ST3GAL3: variants seen among roughly 807,000 people sequenced by gnomAD.
ST3GAL3 encodes the protein CMP-N-acetylneuraminate-beta-1,4-galactoside alpha-2,3-sialyltransferase.
ST3GAL3 carries 21 observed loss-of-function variants against 50.1 expected under a neutral mutation model. The observed-to-expected ratio is 0.42, with a 90% CI of 0.30 to 0.60. ST3GAL3 has a LOEUF of 0.60. Ranked by LOEUF, ST3GAL3 falls within the 20% of genes least tolerant of loss-of-function variation. ST3GAL3 has a pLI of 0.19. For missense variants in ST3GAL3, 353 were observed against 489.4 expected, an observed-to-expected ratio of 0.72 and a Z score of 2.63; for synonymous variants, 183 against 190.0, an observed-to-expected ratio of 0.96 and a Z score of 0.30.
chr1:43,851,536 A>G (rs2067302009), intron 5 of ST3GAL3: 1 of 1,592,720 alleles, frequency 6.3e-7, no homozygotes, highest in Non-Finnish European at 8.6e-7. Context: ...TTATTTAAGC[A>G]AGAGCCTAGG....
chr1:43,777,751 A>G (rs1697812951), intron 2 of ST3GAL3, among the ~76,000 whole-genome samples: 1 of 152,240 alleles, frequency 6.6e-6, no homozygotes, highest in Non-Finnish European at 1.5e-5. Flanking sequence ...GCAAAAATTG[A>G]CAAATGGGAT....
chr1:43,909,171 A>G (rs1055420688), intron 9 of ST3GAL3, among the ~76,000 whole-genome samples: 1 of 152,216 alleles, frequency 6.6e-6, no homozygotes, highest in Non-Finnish European at 1.5e-5. Context: ...ACTGAGGCCC[A>G]GAGTGCAACA....
chr1:43,843,266 C>T (rs192305242), intron 5 of ST3GAL3, among the ~76,000 whole-genome samples: 1 of 152,194 alleles, frequency 6.6e-6, no homozygotes, highest in African/African-American at 2.4e-5. Flanking sequence ...TTCCTAGTTT[C>T]TTGAGAGTGT....
intron 2 of ST3GAL3, among the ~76,000 whole-genome samples, chr1:43,787,304 T>C (rs771941559): frequency 1.3e-5 from 2 of 152,208 alleles, no homozygotes; most frequent in Non-Finnish European, 1.5e-5. Context: ...GAGGGAGAAG[T>C]CTGGATATTC....
At chr1:43,754,099 A>G (rs1687173958) in intron 2 of ST3GAL3, among the ~76,000 whole-genome samples, 2 of 152,264 alleles carry the variant, frequency 1.3e-5, no homozygotes, top group South Asian at 2.1e-4. Context: ...TCTTAGAGCC[A>G]TACAATTAAA....
intron 9 of ST3GAL3, chr1:43,913,264 T>C (rs959817106): frequency 6.6e-6 from 1 of 152,242 alleles, no homozygotes; most frequent in Non-Finnish European, 1.5e-5. Context: ...ACTATAATCA[T>C]AATAAGTAAG....
chr1:43,724,802 C>T (rs1672152662), intron 1 of ST3GAL3, among the ~76,000 whole-genome samples: 1 of 152,158 alleles, frequency 6.6e-6, no homozygotes, highest in Non-Finnish European at 1.5e-5. Flanking sequence ...CTCTTACCAC[C>T]TCTCACAGTT....
chr1:43,858,703 C>CAGCAA (rs1429385909), intron 5 of ST3GAL3, among the ~76,000 whole-genome samples: 1 of 152,214 alleles, frequency 6.6e-6, no homozygotes, highest in Non-Finnish European at 1.5e-5. Context: ...AGCGATGAGG[C>CAGCAA]AGCAGCTCAG....
At chr1:43,768,105 T>C (rs1693790210) in intron 2 of ST3GAL3, among the ~76,000 whole-genome samples, 1 of 152,142 alleles carries the variant, frequency 6.6e-6, no homozygotes, top group African/African-American at 2.4e-5. Context: ...TTAACATACT[T>C]TTCCAAGGAG....
At chr1:43,851,376 G>A in intron 5 of ST3GAL3, 1 of 1,595,578 alleles carries the variant, frequency 6.3e-7, no homozygotes, top group Non-Finnish European at 8.6e-7. Flanking sequence ...GTTTGCAGGG[G>A]AGCCTGAGCA....
chr1:43,899,080 A>G lies in ST3GAL3; in HGVS notation c.462-88A>G. 1.9e-6 allele frequency: 3 copies of G among 1,584,076 alleles called. No homozygotes were observed. The highest frequency in any genetic ancestry group is 8.6e-7 in the Non-Finnish European group (1 of 1,160,766). ...CCTCTATCCCAGCCTGGTCCTGGAC[A>G]AGGGCGTGGGGTCAAGGGCCAAAGG... On this transcript the variant is annotated intron_variant, in intron 7 of 11. Transcript: ENST00000347631. The surrounding 1 kb of genome is among the most constrained non-coding windows in gnomAD (Gnocchi z 5.4).
chr1:43,858,130 C>T, intron 5 of ST3GAL3: 7 of 1,289,368 alleles, frequency 5.4e-6, no homozygotes, highest in Non-Finnish European at 7.1e-6. Context: ...ACCTATCTTC[C>T]CCAGAGCTAA....
chr1:43,923,081 TC>T (rs35010585), intron 11 of ST3GAL3, among the ~76,000 whole-genome samples: 1 of 151,858 alleles, frequency 6.6e-6, no homozygotes, highest in South Asian at 2.1e-4. Context: ...AGAGCAAGAC[TC>T]CGTCTCAAAA....
Position 43,851,303 on chromosome 1 carries a change from C to T in ST3GAL3, c.302+12992C>T, listed in dbSNP as rs1178126021. 21 of 1,545,614 alleles carry T rather than the reference C, an allele frequency of 1.4e-5. No homozygotes were observed. In the South Asian group the frequency reaches 1.9e-4, roughly 14 times the overall value. On this transcript the variant is annotated intron_variant, in intron 5 of 11. Coordinates refer to ENST00000347631, the MANE Select transcript of ST3GAL3 (RefSeq NM_006279.5). The stretch of plus-strand genomic sequence containing the variant: ...CATGAACCCGTGGGTCAGGTGACCC[C>T]CATCTGGCAGGTCCAGGCCCATGAT...
chr1:43,912,920 A>C (rs1225215171), intron 9 of ST3GAL3: 1 of 152,334 alleles, frequency 6.6e-6, no homozygotes, highest in Non-Finnish European at 1.5e-5. Context: ...CTTGAGGAGA[A>C]GCTGGACCAT....
chr1:43,845,435 T>C (rs2066083908), intron 5 of ST3GAL3, among the ~76,000 whole-genome samples: 1 of 152,120 alleles, frequency 6.6e-6, no homozygotes, highest in Admixed American at 6.5e-5. Context: ...AAATTGTGTA[T>C]AATATTCCCT....
intron 4 of ST3GAL3, among the ~76,000 whole-genome samples, chr1:43,828,718 A>G (rs1187625263): frequency 6.6e-6 from 1 of 152,166 alleles, no homozygotes; most frequent in African/African-American, 2.4e-5. Context: ...TATCACACCT[A>G]TTAGAATGAC....
chr1:43,910,954 A>G (rs2080709586), intron 9 of ST3GAL3, among the ~76,000 whole-genome samples: 2 of 152,068 alleles, frequency 1.3e-5, no homozygotes, highest in South Asian at 4.2e-4. Context: ...GCCTTGAGAG[A>G]CCACTATCAG....
chr1:43,864,090 C>T (rs1570083731), intron 5 of ST3GAL3, among the ~76,000 whole-genome samples: 1 of 152,032 alleles, frequency 6.6e-6, no homozygotes, highest in Non-Finnish European at 1.5e-5. Flanking sequence ...ACCAGCCTGG[C>T]CAACATGGCA....
Sources: allele counts gnomAD v4.1 joint callset (sites outside exome capture counted in the v4.1 genomes callset), GRCh38; gene constraint gnomAD v4.1.1; non-coding constraint Gnocchi (gnomAD v3.1); transcripts MANE v1.5; gene names NCBI Gene and HGNC (gene_info 2026-07-23, HGNC 2026-07-21).